FRMD4A: variants seen among roughly 807,000 people sequenced by gnomAD.
FRMD4A encodes the protein FERM domain containing 4A, also known as FERM domain-containing protein 4A.
In FRMD4A, 29 loss-of-function variants were observed where a neutral mutation model predicts 129.1. That is an observed-to-expected ratio of 0.22 (90% CI 0.17 to 0.31). The LOEUF is 0.31. FRMD4A is among the 10% of genes least tolerant of loss of function. The pLI is 1.00. For synonymous variants in FRMD4A, 634 were observed against 571.6 expected (o/e 1.11, Z -1.56); for missense variants, 1,272 against 1,375.8 (o/e 0.92, Z 1.19).
intron 2 of FRMD4A, among the ~76,000 whole-genome samples, chr10:14,203,562 A>G (rs1842700217): frequency 6.6e-6 from 1 of 152,204 alleles, no homozygotes; most frequent in African/African-American, 2.4e-5. Context: ...AAACCTAAAG[A>G]ACAGACATTA....
At chr10:13,970,006 G>T (rs986182816) in intron 2 of FRMD4A, among the ~76,000 whole-genome samples, 1 of 152,152 alleles carries the variant, frequency 6.6e-6, no homozygotes, top group Non-Finnish European at 1.5e-5. Context: ...TCTAAATCAC[G>T]GTTTCAGAAA....
intron 2 of FRMD4A, among the ~76,000 whole-genome samples, chr10:14,321,401 T>C (rs1465281762): frequency 6.6e-5 from 10 of 151,330 alleles, no homozygotes. Context: ...GAGAGGAAGG[T>C]AGAATAGCAC....
intron 2 of FRMD4A, among the ~76,000 whole-genome samples, chr10:14,121,863 T>C (rs1287540969): frequency 1.3e-5 from 2 of 152,148 alleles, no homozygotes; most frequent in Non-Finnish European, 2.9e-5. Flanking sequence ...AACTAACAAG[T>C]TACTTACACT....
chr10:14,097,582 G>A (rs1837045073), intron 2 of FRMD4A, among the ~76,000 whole-genome samples: 1 of 151,984 alleles, frequency 6.6e-6, no homozygotes, highest in Admixed American at 6.6e-5. Flanking sequence ...CGGAAACTTT[G>A]GACTGTTGGA....
At chr10:13,972,249 C>T (rs1287414865) in intron 2 of FRMD4A, 18 of 993,070 alleles carry the variant, frequency 1.8e-5, no homozygotes, top group Non-Finnish European at 2.2e-5. Context: ...AGAGCTGCAG[C>T]CTTCCCTGCA....
intron 2 of FRMD4A, among the ~76,000 whole-genome samples, chr10:14,002,535 T>C (rs890858480): frequency 1.3e-5 from 2 of 152,222 alleles, no homozygotes; most frequent in Non-Finnish European, 2.9e-5. Flanking sequence ...TGACAGTTTA[T>C]ATGAACTTTT....
At chr10:14,304,538 A>G (rs1314519227) in intron 2 of FRMD4A, among the ~76,000 whole-genome samples, 11 of 152,120 alleles carry the variant, frequency 7.2e-5, no homozygotes, top group Admixed American at 5.2e-4. Context: ...CTTAGTCCCA[A>G]TCTAGGTTAA....
chr10:13,992,873 A>C (rs564202574), intron 2 of FRMD4A, among the ~76,000 whole-genome samples: 1 of 127,120 alleles, frequency 7.9e-6, no homozygotes, highest in South Asian at 2.7e-4. Flanking sequence ...GGATCGCTTG[A>C]CCCCCGGTGG....
intron 2 of FRMD4A, among the ~76,000 whole-genome samples, chr10:14,153,594 G>A (rs1388778441): frequency 2.6e-5 from 4 of 152,014 alleles, no homozygotes; most frequent in African/African-American, 7.3e-5. Context: ...ATATACAGAC[G>A]GTCACTCCTA....
intron 2 of FRMD4A, among the ~76,000 whole-genome samples, chr10:14,163,809 C>T (rs908816170): frequency 1.3e-5 from 2 of 152,220 alleles, no homozygotes; most frequent in Admixed American, 6.5e-5. Context: ...CAGAAATCTT[C>T]ATCTCACTCC....
At chr10:13,812,887 G>A (rs1217269023) in intron 3 of FRMD4A, among the ~76,000 whole-genome samples, 1 of 152,224 alleles carries the variant, frequency 6.6e-6, no homozygotes, top group Non-Finnish European at 1.5e-5. Flanking sequence ...GGAATTCAAG[G>A]TGATACGTCA....
chr10:14,199,610 A>G (rs1340088762), intron 2 of FRMD4A, among the ~76,000 whole-genome samples: 1 of 152,010 alleles, frequency 6.6e-6, no homozygotes, highest in Non-Finnish European at 1.5e-5. Context: ...GGCTGGTCTC[A>G]AACTCCCGAC....
chr10:14,127,968 TTCTTTCTTTCCTTCTC>T (rs1199160424), intron 2 of FRMD4A, among the ~76,000 whole-genome samples: 624 of 33,538 alleles, frequency 0.019, 54 homozygotes, highest in African/African-American at 0.075. Flanking sequence ...CTTTCTTTCT[TTCTTTCTTTCCTTCTC>T]TCTCTCTCTC....
intron 15 of FRMD4A, among the ~76,000 whole-genome samples, chr10:13,686,725 CCAAATTCCTACTTGAAAACA>C (rs1407508763): frequency 3.0e-4 from 45 of 152,308 alleles, no homozygotes; most frequent in African/African-American, 1.0e-3. Context: ...AATCACACAG[CCAAATTCCTACTTGAAAACA>C]CAACATATCC....
chr10:13,888,238 C>T (rs1200034370), intron 2 of FRMD4A, among the ~76,000 whole-genome samples: 1 of 152,174 alleles, frequency 6.6e-6, no homozygotes, highest in African/African-American at 2.4e-5. Flanking sequence ...TTTTTAGCAG[C>T]CACTTTTCCA....
At chr10:13,679,633 C>T (rs376040051) in intron 15 of FRMD4A, among the ~76,000 whole-genome samples, 7 of 151,202 alleles carry the variant, frequency 4.6e-5, no homozygotes, top group East Asian at 1.9e-4. Flanking sequence ...CTCCACGTTC[C>T]TCAAAACAGA....
At chr10:13,823,761 C>T (rs946239861) in intron 3 of FRMD4A, among the ~76,000 whole-genome samples, 14 of 152,304 alleles carry the variant, frequency 9.2e-5, no homozygotes, top group African/African-American at 2.2e-4. Flanking sequence ...TACCTTTCCA[C>T]GGGGCCAAAT....
At chr10:14,092,778 C>G (rs147445727) in intron 2 of FRMD4A, among the ~76,000 whole-genome samples, 1 of 152,136 alleles carries the variant, frequency 6.6e-6, no homozygotes, top group Non-Finnish European at 1.5e-5. Flanking sequence ...AGGTGGGTCT[C>G]GGGACCAGGC....
intron 2 of FRMD4A, among the ~76,000 whole-genome samples, chr10:14,097,473 T>C (rs1281773490): frequency 1.3e-5 from 2 of 152,140 alleles, no homozygotes; most frequent in African/African-American, 4.8e-5. Flanking sequence ...TTAATCTTAA[T>C]TTTCACAATG....
Sources: allele counts gnomAD v4.1 joint callset (sites outside exome capture counted in the v4.1 genomes callset), GRCh38; gene constraint gnomAD v4.1.1; transcripts MANE v1.5; gene names NCBI Gene and HGNC (gene_info 2026-07-23, HGNC 2026-07-21).